The following PIWIL2 variants were observed in gnomAD, a reference collection of about 807,000 sequenced individuals.
The protein encoded by PIWIL2 is piwi-like protein 2.
Under a neutral mutation model 116.5 loss-of-function variants are expected in PIWIL2, and 81 were observed. That is an observed-to-expected ratio of 0.70 (90% CI 0.58 to 0.84). PIWIL2 has a LOEUF of 0.84. Ranked by LOEUF, PIWIL2 falls within the 40% of genes least tolerant of loss-of-function variation. PIWIL2 has a pLI of 0.00. For synonymous variants in PIWIL2, 489 were observed against 429.5 expected, an observed-to-expected ratio of 1.14 and a Z score of -1.71; for missense variants, 1,272 against 1,212.3, an observed-to-expected ratio of 1.05 and a Z score of -0.73.
intron 20 of PIWIL2, among the ~76,000 whole-genome samples, chr8:22,346,696 T>C (rs985065740): frequency 6.6e-6 from 1 of 152,218 alleles, no homozygotes. Context: ...TGGATACATA[T>C]CTGTCAATAA....
intron 10 of PIWIL2, among the ~76,000 whole-genome samples, chr8:22,301,198 G>T (rs1831039177): frequency 6.6e-6 from 1 of 151,360 alleles, no homozygotes; most frequent in African/African-American, 2.4e-5. Flanking sequence ...TGCCCAGGCT[G>T]TTCTTGAACT....
intron 6 of PIWIL2, among the ~76,000 whole-genome samples, chr8:22,284,692 T>C (rs1830592082): frequency 6.9e-6 from 1 of 144,424 alleles, no homozygotes. Context: ...CTGGATCCTT[T>C]CCTGCATGAG....
intron 20 of PIWIL2, among the ~76,000 whole-genome samples, chr8:22,328,819 T>A (rs78630668): frequency 1.1e-4 from 3 of 26,280 alleles, no homozygotes; most frequent in African/African-American, 1.8e-4. Context: ...GCTCTAGTCG[T>A]TTTTTTTTTT....
chr8:22,285,812 T>C (rs1442485806), intron 6 of PIWIL2, among the ~76,000 whole-genome samples: 1 of 151,910 alleles, frequency 6.6e-6, no homozygotes, highest in Non-Finnish European at 1.5e-5. Flanking sequence ...TGGCTAATTT[T>C]TGTATTTTTT....
intron 20 of PIWIL2, among the ~76,000 whole-genome samples, chr8:22,352,229 G>A (rs895885367): frequency 6.6e-6 from 1 of 152,226 alleles, no homozygotes; most frequent in Non-Finnish European, 1.5e-5. Context: ...ACAGGCGTGA[G>A]CCACCGTGCC....
At chr8:22,348,819 A>C (rs1832286578) in intron 20 of PIWIL2, among the ~76,000 whole-genome samples, 1 of 152,184 alleles carries the variant, frequency 6.6e-6, no homozygotes, top group Non-Finnish European at 1.5e-5. Context: ...CTCATCCCTC[A>C]ATCATAGTTT....
intron 12 of PIWIL2, among the ~76,000 whole-genome samples, chr8:22,305,419 C>A (rs893261646): frequency 6.6e-6 from 1 of 152,082 alleles, no homozygotes; most frequent in Non-Finnish European, 1.5e-5. Context: ...GTCTCGATCT[C>A]CTGACCTCGT....
chr8:22,297,093 A>G (rs1248196184), intron 10 of PIWIL2, among the ~76,000 whole-genome samples: 4 of 151,962 alleles, frequency 2.6e-5, no homozygotes, highest in Non-Finnish European at 4.4e-5. Context: ...GGCTCAAGCA[A>G]TCCTCCCACC....
intron 4 of PIWIL2, among the ~76,000 whole-genome samples, chr8:22,282,033 A>G (rs191699541): frequency 1.2e-3 from 187 of 150,398 alleles, no homozygotes; most frequent in African/African-American, 4.4e-3. Context: ...TCGGCCTCCC[A>G]AAGTGCTGAG....
At chr8:22,299,992 T>G (rs886226046) in intron 10 of PIWIL2, among the ~76,000 whole-genome samples, 3 of 151,990 alleles carry the variant, frequency 2.0e-5, no homozygotes, top group Non-Finnish European at 2.9e-5. Flanking sequence ...CAGGCTGGAG[T>G]GCAATGGTGC....
At chr8:22,294,986 G>C (rs1174809124) in intron 10 of PIWIL2, among the ~76,000 whole-genome samples, 1 of 151,584 alleles carries the variant, frequency 6.6e-6, no homozygotes, top group African/African-American at 2.4e-5. Context: ...GGCTGAGGCA[G>C]GAGAATGGCT....
chr8:22,341,146 G>A (rs903725818), intron 20 of PIWIL2, among the ~76,000 whole-genome samples: 1 of 152,044 alleles, frequency 6.6e-6, no homozygotes, highest in Non-Finnish European at 1.5e-5. Context: ...GGAAACTAGT[G>A]AAACAACCAA....
In PIWIL2 at chr8:22,283,886, A is replaced by T. The variant is rs550220630; in HGVS notation, c.633-276A>T. ...CGCTTCATCTTTCTCCATAGAACTC[A>T]TTCTTGTGTTCCTAGTTAATGGGAC... On this transcript the variant is annotated intron_variant, in intron 5 of 22. Coordinates refer to ENST00000356766, the MANE Select transcript of PIWIL2 (RefSeq NM_018068.5). Among the ~76,000 whole-genome samples, 7 of 152,286 alleles carry T rather than the reference A, an allele frequency of 4.6e-5. No individual in the cohort carries two copies. In the South Asian group the frequency reaches 1.5e-3, roughly 32 times the overall value.
chr8:22,315,696 T>A (rs1831442100), intron 18 of PIWIL2, among the ~76,000 whole-genome samples: 1 of 152,184 alleles, frequency 6.6e-6, no homozygotes, highest in Non-Finnish European at 1.5e-5. Context: ...TGAAGTGAGT[T>A]TTCAGTGTCT....
intron 20 of PIWIL2, among the ~76,000 whole-genome samples, chr8:22,334,030 G>A (rs1002522712): frequency 6.6e-6 from 1 of 151,168 alleles, no homozygotes; most frequent in African/African-American, 2.4e-5. Context: ...ATGGAGTGCA[G>A]TGGTAGGATC....
At position 22,298,934 on chromosome 8, in the gene PIWIL2, T is replaced by C. The variant is rs1773842890; in HGVS notation, c.1182-5087T>C. Among the ~76,000 whole-genome samples, 3 of 152,162 alleles carry C rather than the reference T, an allele frequency of 2.0e-5. No individual in the cohort carries two copies. The South Asian group carries it at 6.2e-4, about 32-fold the overall frequency. On this transcript the variant is annotated intron_variant, in intron 10 of 22. Transcript: ENST00000356766. ...GGCTTATAGAAACAAGGGGATGACG[T>C]TGATTAGTTGGCTTGCAAAAGTGTG...
At chr8:22,305,906 C>T (rs778445617) in intron 12 of PIWIL2, 21 bp from the exon 13 acceptor site, 2 of 1,589,546 alleles carry the variant, frequency 1.3e-6, no homozygotes, top group South Asian at 1.1e-5. Flanking sequence ...CTTATTTTCC[C>T]TCTTCGTTCT....
At chr8:22,339,839 G>A (rs34728679) in intron 20 of PIWIL2, among the ~76,000 whole-genome samples, 74,867 of 151,886 alleles carry the variant, frequency 0.49, 20,413 homozygotes, top group East Asian at 0.82. Flanking sequence ...TTCAAAGAGT[G>A]TATACAAATA....
In PIWIL2 at chr8:22,293,753, T is replaced by C. The variant is rs569576220; in HGVS notation, c.1181+3407T>C. ...TCCACAGATTCAAATCACTGCCTTA[T>C]ATGCTAAAATACCTGGATTTATTTC... On this transcript the variant is annotated intron_variant, in intron 10 of 22. Coordinates refer to ENST00000356766, the MANE Select transcript of PIWIL2 (RefSeq NM_018068.5). 2.0e-5 allele frequency among the ~76,000 whole-genome samples: 3 copies of C among 152,344 alleles called. No individual in the cohort carries two copies. The East Asian group carries it at 5.8e-4, about 29-fold the overall frequency.
Sources: allele counts gnomAD v4.1 joint callset (sites outside exome capture counted in the v4.1 genomes callset), GRCh38; gene constraint gnomAD v4.1.1; transcripts MANE v1.5; gene names NCBI Gene and HGNC (gene_info 2026-07-23, HGNC 2026-07-21).